SH3KBP1: variants seen among roughly 807,000 people sequenced by gnomAD.
SH3KBP1 encodes SH3 domain-containing kinase-binding protein 1.
In SH3KBP1, 8 loss-of-function variants were observed where a neutral mutation model predicts 50.1. That is an observed-to-expected ratio of 0.16 (90% CI 0.09 to 0.29). The LOEUF (loss-of-function observed/expected upper bound fraction) is 0.29. Ranked by LOEUF, SH3KBP1 falls within the 10% of genes least tolerant of loss-of-function variation. The pLI is 1.00. For synonymous variants in SH3KBP1, 227 were observed against 218.6 expected (o/e 1.04, Z -0.34); for missense variants, 377 against 535.2 (o/e 0.70, Z 2.92).
chrX:19,546,185 A>T (rs189891455), intron 14 of SH3KBP1, 135 bp from the exon 15 acceptor site: 186 of 719,493 alleles, frequency 2.6e-4, no homozygotes, highest in Admixed American at 7.2e-4. Flanking sequence ...TGTGAGGCAA[A>T]AAAGTGTGCT....
intron 1 of SH3KBP1, among the ~76,000 whole-genome samples, chrX:19,846,841 T>C (rs757282853): frequency 8.9e-6 from 1 of 112,277 alleles, no homozygotes; most frequent in Non-Finnish European, 1.9e-5. Flanking sequence ...AGAGCCTTTA[T>C]GGTACAGGAT....
At chrX:19,866,208 G>A (rs902433814) in intron 1 of SH3KBP1, among the ~76,000 whole-genome samples, 3 of 111,490 alleles carry the variant, frequency 2.7e-5, no homozygotes, top group African/African-American at 9.8e-5. Flanking sequence ...ACTCACCCAG[G>A]AGGAAGTGTG....
At chrX:19,612,347 C>T (rs1602660571) in intron 8 of SH3KBP1, among the ~76,000 whole-genome samples, 1 of 111,855 alleles carries the variant, frequency 8.9e-6, no homozygotes, top group African/African-American at 3.2e-5. Context: ...ACTGCAACCT[C>T]TGTCTCCCAG....
intron 3 of SH3KBP1, among the ~76,000 whole-genome samples, chrX:19,714,283 A>ATT (rs750125025): frequency 8.9e-6 from 1 of 111,802 alleles, no homozygotes; most frequent in Non-Finnish European, 1.9e-5. Context: ...ACTATTTGAT[A>ATT]GCACAACAGG....
chrX:19,869,934 CCAGAGA>C (rs1337060499), intron 1 of SH3KBP1, among the ~76,000 whole-genome samples: 4 of 112,057 alleles, frequency 3.6e-5, no homozygotes, highest in Non-Finnish European at 7.5e-5. Context: ...CACACATACA[CCAGAGA>C]CATTCATTCA....
intron 2 of SH3KBP1, among the ~76,000 whole-genome samples, chrX:19,784,535 A>T (rs2066277816): frequency 9.0e-6 from 1 of 111,392 alleles, no homozygotes; most frequent in African/African-American, 3.3e-5. Flanking sequence ...TCTATCCAAA[A>T]ATTTCACTAC....
At chrX:19,705,455 G>A (rs1207373448) in intron 4 of SH3KBP1, among the ~76,000 whole-genome samples, 1 of 111,418 alleles carries the variant, frequency 9.0e-6, no homozygotes, top group African/African-American at 3.3e-5. Flanking sequence ...TTCTACCACC[G>A]AAATAAATGT....
At chrX:19,832,723 A>AG (rs1363358736) in intron 2 of SH3KBP1, among the ~76,000 whole-genome samples, 3 of 111,816 alleles carry the variant, frequency 2.7e-5, no homozygotes, top group African/African-American at 9.8e-5. Context: ...GCCCATGGGA[A>AG]GCCACAGGAC....
chrX:19,672,430 C>T (rs73459669), intron 6 of SH3KBP1, among the ~76,000 whole-genome samples: 2,621 of 111,729 alleles, frequency 0.023, 80 homozygotes, highest in African/African-American at 0.08. Context: ...TGACTAACAC[C>T]TACGTCAGCC....
intron 6 of SH3KBP1, among the ~76,000 whole-genome samples, chrX:19,647,679 G>A (rs962939370): frequency 9.0e-6 from 1 of 111,286 alleles, no homozygotes; most frequent in Non-Finnish European, 1.9e-5. Context: ...CTAGAATATG[G>A]CAAAGTTTCT....
rs1371431624 is a variant in SH3KBP1, at chrX:19,622,453, TTATCATCAGGAAATAGTAACTGC to T, written c.897+9388_897+9410del. 3.1e-4 allele frequency among the ~76,000 whole-genome samples: 35 copies of T among 112,416 alleles called. No individual in the cohort carries two copies. The East Asian group carries it at 8.4e-3, about 27-fold the overall frequency. ...TCAATACAGTATTACACTGAGCAAT[TTATCATCAGGAAATAGTAACTGC>T]TAACATTTATGTAGCAGCTATTAGG... On this transcript the variant is annotated intron_variant, in intron 8 of 17. Transcript: ENST00000397821.
chrX:19,576,773 C>T (rs1006752093), intron 12 of SH3KBP1, among the ~76,000 whole-genome samples: 2 of 111,884 alleles, frequency 1.8e-5, no homozygotes, highest in African/African-American at 3.3e-5. Flanking sequence ...ACCTACTATG[C>T]GCAGCCCCTT....
chrX:19,601,209 A>G (rs1364911939), intron 9 of SH3KBP1, among the ~76,000 whole-genome samples: 2 of 111,476 alleles, frequency 1.8e-5, no homozygotes, highest in African/African-American at 6.5e-5. Context: ...AGGATATATT[A>G]GCTAGATTTG....
chrX:19,798,217 T>C (rs1316787432), intron 2 of SH3KBP1, among the ~76,000 whole-genome samples: 1 of 110,591 alleles, frequency 9.0e-6, no homozygotes, highest in Non-Finnish European at 1.9e-5. Context: ...CCTGAGTAGC[T>C]GGGACTACAG....
chrX:19,670,773 G>C (rs1186976397), intron 6 of SH3KBP1: 1 of 941,476 alleles, frequency 1.1e-6, no homozygotes, highest in Non-Finnish European at 1.4e-6. Flanking sequence ...CCATTACCCA[G>C]TCTTGCTACA....
intron 6 of SH3KBP1, among the ~76,000 whole-genome samples, chrX:19,661,518 G>A (rs2062451962): frequency 9.2e-6 from 1 of 108,925 alleles, no homozygotes; most frequent in Admixed American, 9.7e-5. Context: ...ATTGCCCCAG[G>A]GTGATTAAAT....
intron 12 of SH3KBP1, among the ~76,000 whole-genome samples, chrX:19,572,066 A>G (rs752529966): frequency 9.1e-6 from 1 of 110,452 alleles, no homozygotes; most frequent in South Asian, 3.8e-4. Context: ...GAAGCTTCCA[A>G]TCAAATGTGA....
intron 15 of SH3KBP1, 129 bp downstream of exon 15, chrX:19,545,793 G>T: frequency 1.3e-6 from 1 of 775,659 alleles, no homozygotes; most frequent in Non-Finnish European, 1.9e-6. Flanking sequence ...ATTTTGATGA[G>T]TAACAGAATC....
intron 1 of SH3KBP1, among the ~76,000 whole-genome samples, chrX:19,886,991 A>G (rs1311225677): frequency 9.1e-6 from 1 of 110,488 alleles, no homozygotes; most frequent in Non-Finnish European, 1.9e-5. Context: ...AAAATGGCCA[A>G]GACAAAACTC....
Sources: gnomAD v4.1 joint callset for allele counts (sites outside exome capture counted in the v4.1 genomes callset) on GRCh38, gnomAD v4.1.1 for gene constraint, MANE v1.5 for transcripts, NCBI Gene and HGNC (gene_info 2026-07-23, HGNC 2026-07-21) for gene names.